Variants in SAMD8 observed in about 807,000 individuals in gnomAD.
The protein encoded by SAMD8 is sphingomyelin synthase-related protein 1.
SAMD8 carries 20 observed loss-of-function variants against 42.0 expected under a neutral mutation model. The ratio of observed to expected loss-of-function variants is 0.48; its 90% CI spans 0.34 to 0.69. SAMD8 has a LOEUF of 0.69. SAMD8 is among the 30% of genes least tolerant of loss of function. The pLI is 0.01. For missense variants in SAMD8, 328 were observed against 511.6 expected, an observed-to-expected ratio of 0.64 and a Z score of 3.46; for synonymous variants, 162 against 173.0, an observed-to-expected ratio of 0.94 and a Z score of 0.50.
chr10:75,148,612 C>T (rs1840205588), intron 1 of SAMD8, among the ~76,000 whole-genome samples: 1 of 152,176 alleles, frequency 6.6e-6, no homozygotes. Context: ...CTCGGCCTCC[C>T]AAAGTGCTGG....
At chr10:75,103,456 C>T (rs1848304921) in intron 1 of SAMD8, among the ~76,000 whole-genome samples, 1 of 152,208 alleles carries the variant, frequency 6.6e-6, no homozygotes, top group Non-Finnish European at 1.5e-5. Flanking sequence ...ACCCAAAAGG[C>T]AGGGACACCC....
rs1460624613 is a variant in SAMD8, at chr10:75,111,671, C to G, written c.-67C>G. The G allele has an allele frequency of 4.1e-5, 51 of 1,239,654 alleles. No individual in the cohort carries two copies. Among genetic ancestry groups the G allele is most frequent in the Non-Finnish European group, 5.1e-5 (51 of 992,110 alleles). The allele number at this position is 1,239,654 out of a possible 1,614,324, so 76.8% of individuals were successfully genotyped here. On this transcript the variant is annotated 5_prime_UTR_variant, in exon 1 of 6. Transcript: ENST00000542569. Reference sequence around the variant, plus strand: ...GGAGGGCCCCGGACTCCGACGGCGGCTCGGACGCCGACTCGGAGGTGGGTC... The same window carrying G: ...GGAGGGCCCCGGACTCCGACGGCGGGTCGGACGCCGACTCGGAGGTGGGTC...
At chr10:75,110,532 A>G (rs1157690845), upstream of SAMD8, among the ~76,000 whole-genome samples, 1 of 152,168 alleles carries the variant, frequency 6.6e-6, no homozygotes, top group Non-Finnish European at 1.5e-5. Flanking sequence ...GTCTACACTC[A>G]TGTCTATCCC....
intron 1 of SAMD8, among the ~76,000 whole-genome samples, chr10:75,102,250 G>A (rs562816072): frequency 3.5e-4 from 54 of 152,286 alleles, no homozygotes; most frequent in African/African-American, 1.2e-3. Flanking sequence ...ACCGAGGAGG[G>A]TGGGTCATGA....
chr10:75,135,424 G>A (rs868583565), intron 1 of SAMD8, among the ~76,000 whole-genome samples: 2 of 147,878 alleles, frequency 1.4e-5, no homozygotes, highest in South Asian at 2.1e-4. Flanking sequence ...CTGCACTCCA[G>A]CCTGGGCAAC....
At chr10:75,109,170 C>G (rs778425532), upstream of SAMD8, 3 of 1,565,194 alleles carry the variant, frequency 1.9e-6, no homozygotes, top group South Asian at 3.5e-5. Context: ...GCCAGCCCGC[C>G]CACCCCTCTG....
chr10:75,121,701 T>G (rs543932045), intron 1 of SAMD8, among the ~76,000 whole-genome samples: 2 of 152,266 alleles, frequency 1.3e-5, no homozygotes, highest in Admixed American at 6.5e-5. Context: ...TTTTTTTTTC[T>G]TCTTTTTTTT....
chr10:75,150,324 T>G (rs566078896), intron 1 of SAMD8, 190 bp from the exon 2 acceptor site: 226 of 329,522 alleles, frequency 6.9e-4, no homozygotes, highest in Non-Finnish European at 8.7e-4. Context: ...TCTTGCTACG[T>G]GGCCCAGGAC....
intron 1 of SAMD8, among the ~76,000 whole-genome samples, chr10:75,146,751 C>T (rs1327643061): frequency 6.6e-6 from 1 of 152,158 alleles, no homozygotes; most frequent in Non-Finnish European, 1.5e-5. Flanking sequence ...ATTTACTAAT[C>T]TAATTTCCTT....
chr10:75,167,104 T>C (rs1216221838), intron 3 of SAMD8, among the ~76,000 whole-genome samples: 5 of 152,234 alleles, frequency 3.3e-5, no homozygotes, highest in African/African-American at 7.2e-5. Flanking sequence ...GTGCAGTTCA[T>C]GATTACCCAA....
chr10:75,103,545 C>G (rs1848309460), intron 1 of SAMD8, among the ~76,000 whole-genome samples: 1 of 152,220 alleles, frequency 6.6e-6, no homozygotes, highest in Non-Finnish European at 1.5e-5. Flanking sequence ...CTAGGACCTT[C>G]AATTGGGCCT....
chr10:75,138,694 T>G (rs540900740), intron 1 of SAMD8, among the ~76,000 whole-genome samples: 27 of 152,298 alleles, frequency 1.8e-4, no homozygotes, highest in Non-Finnish European at 3.4e-4. Flanking sequence ...TAAATTTGTT[T>G]GGAGAGAAAA....
chr10:75,139,212 G>T (rs1839962354), intron 1 of SAMD8, among the ~76,000 whole-genome samples: 1 of 151,558 alleles, frequency 6.6e-6, no homozygotes. Context: ...CAAGTGATCT[G>T]CCCACCTCGG....
At position 75,151,105 on chromosome 10, in the gene SAMD8, A is replaced by G; in HGVS notation, c.577A>G (p.Ser193Gly). 6.8e-7 allele frequency: 1 copy of G among 1,471,226 alleles called. No individual in the cohort carries two copies. The highest frequency in any genetic ancestry group is 9.0e-7 in the Non-Finnish European group (1 of 1,109,238). 91.1% of individuals were successfully genotyped at this position (1,471,226 alleles called of 1,614,324 possible). ...ACCACTCCCAGATATATTCTTAGAC[A>G]GGTAAGTTTTGTTTCTAGTTGCTAA... ...YPPLPDIFLDSVPRIPWAFAM... is the reference protein window; with the variant it reads ...YPPLPDIFLDGVPRIPWAFAM... Residue 193 changes from serine (S) to glycine (G), a missense_variant and splice_region_variant, in exon 2 of 6, where the codon AGC (serine) becomes GGC (glycine). Around this residue, in one of 2 missense-constraint regions of SAMD8, gnomAD observed 178 missense variants for 325.6 expected, o/e 0.55. Coordinates refer to ENST00000542569, the MANE Select transcript of SAMD8 (RefSeq NM_001174156.2).
At chr10:75,126,271 A>C (rs1013153294) in intron 1 of SAMD8, among the ~76,000 whole-genome samples, 1 of 152,176 alleles carries the variant, frequency 6.6e-6, no homozygotes, top group African/African-American at 2.4e-5. Flanking sequence ...TTAACTTTCC[A>C]ATTTTTAGCA....
At chr10:75,142,921 A>T (rs1290456106) in intron 1 of SAMD8, among the ~76,000 whole-genome samples, 2 of 152,224 alleles carry the variant, frequency 1.3e-5, no homozygotes, top group African/African-American at 4.8e-5. Flanking sequence ...CCCACAATGT[A>T]ATAATTCTTG....
intron 1 of SAMD8, among the ~76,000 whole-genome samples, chr10:75,143,028 G>T (rs997180976): frequency 6.6e-6 from 1 of 151,792 alleles, no homozygotes; most frequent in Admixed American, 6.6e-5. Context: ...TGGTACTGCG[G>T]CTGGGCGCGG....
intron 1 of SAMD8, among the ~76,000 whole-genome samples, chr10:75,115,731 G>C (rs1401459418): frequency 6.6e-6 from 1 of 152,052 alleles, no homozygotes; most frequent in Non-Finnish European, 1.5e-5. Flanking sequence ...ACGAGGCCAG[G>C]AGATCGAGAC....
intron 1 of SAMD8, among the ~76,000 whole-genome samples, chr10:75,112,976 T>C (rs1374255708): frequency 2.6e-5 from 4 of 152,206 alleles, no homozygotes; most frequent in Non-Finnish European, 4.4e-5. Flanking sequence ...ATTGGACTTA[T>C]CTCTTGAAAA....
Sources: allele counts gnomAD v4.1 joint callset (sites outside exome capture counted in the v4.1 genomes callset), GRCh38; gene constraint gnomAD v4.1.1; regional missense constraint gnomAD v4.1.1; transcripts MANE v1.5; gene names NCBI Gene and HGNC (gene_info 2026-07-23, HGNC 2026-07-21).